UNC5A: variants seen among roughly 807,000 people sequenced by gnomAD.
UNC5A encodes netrin receptor UNC5A.
A neutral mutation model predicts 87.4 loss-of-function variants in UNC5A; 20 were observed. That is an observed-to-expected ratio of 0.23 (90% CI 0.16 to 0.33). UNC5A has a LOEUF of 0.33. Ranked by LOEUF, UNC5A falls within the 10% of genes least tolerant of loss-of-function variation. The probability of loss-of-function intolerance (pLI) is 1.00; values close to 1 mark genes in which losing one functional copy is unlikely to be tolerated. For synonymous variants in UNC5A, 438 were observed against 482.3 expected (o/e 0.91, Z 1.20); for missense variants, 844 against 1,133.4 (o/e 0.74, Z 3.67).
chr5:176,837,452 C>T (rs1182198494), intron 1 of UNC5A, among the ~76,000 whole-genome samples: 1 of 152,178 alleles, frequency 6.6e-6, no homozygotes, highest in Non-Finnish European at 1.5e-5. Flanking sequence ...CAGAGGCCGG[C>T]TGAATAGGAG....
In UNC5A at chr5:176,875,846, A is replaced by G. The variant is rs961793011; in HGVS notation, c.1378+1280A>G. Among the ~76,000 whole-genome samples, 1 of 152,110 alleles carries G rather than the reference A, an allele frequency of 6.6e-6. No individual in the cohort carries two copies. The highest frequency in any genetic ancestry group is 1.5e-5 in the Non-Finnish European group (1 of 68,012). ...TGCCCCTCCCACCAGCTCAGCTGGG[A>G]CTTCTCTTTTGGGTCCCCGCCTGAC... is the stretch of plus-strand genomic sequence containing the variant. On this transcript the variant is annotated intron_variant, in intron 8 of 14. Transcript: ENST00000329542. This position sits in a 1 kb window ranked among gnomAD's most constrained non-coding sequence, Gnocchi z 5.2.
rs1281099098 is a variant in UNC5A, at chr5:176,866,499, T to C, written c.293-1631T>C. On this transcript the variant is annotated intron_variant, in intron 2 of 14. Coordinates refer to ENST00000329542, the MANE Select transcript of UNC5A (RefSeq NM_133369.3). This position sits in a 1 kb window ranked among gnomAD's most constrained non-coding sequence, Gnocchi z 5.0. The stretch of plus-strand genomic sequence containing the variant: ...CTCCCAAGCTGAGCCGCCTGGGCCA[T>C]GGGTGAGGCTCCTGAAGGAGGGCCG... Among the ~76,000 whole-genome samples, 1 of 152,104 alleles carries C rather than the reference T, an allele frequency of 6.6e-6. No individual in the cohort carries two copies. The highest frequency in any genetic ancestry group is 1.5e-5 in the Non-Finnish European group (1 of 67,998).
In UNC5A at chr5:176,824,102, T is replaced by C. The variant is rs1756793973; in HGVS notation, c.70+13282T>C. Among the ~76,000 whole-genome samples the C allele has an allele frequency of 6.6e-6, 1 of 152,232 alleles. No individual in the cohort carries two copies. Among genetic ancestry groups the C allele is most frequent in the Non-Finnish European group, 1.5e-5 (1 of 68,022 alleles). On this transcript the variant is annotated intron_variant, in intron 1 of 14. Coordinates refer to ENST00000329542, the MANE Select transcript of UNC5A (RefSeq NM_133369.3). The surrounding 1 kb of genome is among the most constrained non-coding windows in gnomAD (Gnocchi z 4.2). ...ATGGCCTGGGTTGAGCCAGTCAGGA[T>C]CCTTGCCAGGGCTTCTCCCGCCTGG...
chr5:176,852,690 G>T (rs1160455834), intron 1 of UNC5A, among the ~76,000 whole-genome samples: 1 of 152,220 alleles, frequency 6.6e-6, no homozygotes, highest in Admixed American at 6.5e-5. Flanking sequence ...GGGGCCATAG[G>T]AGCCCGTCCC....
At chr5:176,830,439 ATG>A (rs5873556) in intron 1 of UNC5A, among the ~76,000 whole-genome samples, 111,806 of 139,244 alleles carry the variant, frequency 0.8, 48,113 homozygotes, top group Non-Finnish European at 0.94. Context: ...GTGTGCTGGC[ATG>A]TGTGTGTGTG....
intron 1 of UNC5A, among the ~76,000 whole-genome samples, chr5:176,845,474 G>A (rs551617297): frequency 9.2e-5 from 14 of 152,360 alleles, no homozygotes; most frequent in Non-Finnish European, 1.9e-4. Flanking sequence ...CCTGAGGCAG[G>A]GCGTTATGCA....
chr5:176,872,214 A>C (rs1406422595), intron 6 of UNC5A, among the ~76,000 whole-genome samples: 3 of 25,804 alleles, frequency 1.2e-4, no homozygotes, highest in Non-Finnish European at 2.3e-4. Flanking sequence ...CACACTCACC[A>C]ACACCACAGC....
chr5:176,824,156 G>T lies in UNC5A; in HGVS notation c.70+13336G>T, dbSNP rs906497981. On this transcript the variant is annotated intron_variant, in intron 1 of 14. Coordinates refer to ENST00000329542, the MANE Select transcript of UNC5A (RefSeq NM_133369.3). The surrounding 1 kb of genome is among the most constrained non-coding windows in gnomAD (Gnocchi z 4.2). ...CGGAGGTGCGGCCCCGATGCCTCCCGGGTTGGAGGCAGCAATGATGCAGGT... is the reference window on the plus strand; with the variant it reads ...CGGAGGTGCGGCCCCGATGCCTCCCTGGTTGGAGGCAGCAATGATGCAGGT... Among the ~76,000 whole-genome samples, 5 of 152,240 alleles carry T rather than the reference G, an allele frequency of 3.3e-5. No individual in the cohort carries two copies. The highest frequency in any genetic ancestry group is 1.3e-4 in the Admixed American group (2 of 15,288).
chr5:176,829,273 A>C (rs1214237469), intron 1 of UNC5A, among the ~76,000 whole-genome samples: 14 of 123,828 alleles, frequency 1.1e-4, no homozygotes, highest in African/African-American at 4.1e-4. Context: ...GGGTGGCTGG[A>C]TGGATGGATG....
chr5:176,879,545 G>C, intron 14 of UNC5A, 57 bp downstream of exon 14: 1 of 1,553,906 alleles, frequency 6.4e-7, no homozygotes, highest in Middle Eastern at 1.8e-4. Context: ...CCTGCCCGGC[G>C]GCGGGGTGGG....
intron 1 of UNC5A, among the ~76,000 whole-genome samples, chr5:176,842,945 T>G (rs1757311905): frequency 6.6e-6 from 1 of 151,980 alleles, no homozygotes; most frequent in East Asian, 1.9e-4. Flanking sequence ...GTGGATCACC[T>G]GGGGTCAGGA....
At chr5:176,829,726 G>A (rs1398139572) in intron 1 of UNC5A, among the ~76,000 whole-genome samples, 3 of 151,980 alleles carry the variant, frequency 2.0e-5, no homozygotes, top group East Asian at 1.9e-4. Flanking sequence ...TTGCCATATT[G>A]GGCATCCTAT....
At chr5:176,842,385 T>C (rs550404252) in intron 1 of UNC5A, among the ~76,000 whole-genome samples, 3 of 152,234 alleles carry the variant, frequency 2.0e-5, no homozygotes, top group South Asian at 4.2e-4. Flanking sequence ...AAGAAGTTAT[T>C]ATACAGAAAA....
At chr5:176,835,729 A>ATGTGTGTGTGTGTGTG (rs55990257) in intron 1 of UNC5A, among the ~76,000 whole-genome samples, 14 of 145,298 alleles carry the variant, frequency 9.6e-5, no homozygotes, top group African/African-American at 3.1e-4. Context: ...TTGATAAAGG[A>ATGTGTGTGTGTGTGTG]TGTGTGTGTG....
chr5:176,830,604 G>GCA (rs1756980486), intron 1 of UNC5A, among the ~76,000 whole-genome samples: 1 of 146,710 alleles, frequency 6.8e-6, no homozygotes, highest in Admixed American at 6.8e-5. Context: ...GTGCATGCTG[G>GCA]TGTGTGTGTG....
chr5:176,830,516 ATG>A (rs568529183), intron 1 of UNC5A, among the ~76,000 whole-genome samples: 3 of 117,122 alleles, frequency 2.6e-5, no homozygotes, highest in African/African-American at 3.6e-5. Context: ...GTGTGCTGGC[ATG>A]TGTGTGTGTG....
Position 176,870,423 on chromosome 5 carries a change from A to C in UNC5A, c.775A>C (p.Thr259Pro). 1 of 1,612,152 alleles carries C rather than the reference A, an allele frequency of 6.2e-7. No individual in the cohort carries two copies. Among genetic ancestry groups the C allele is most frequent in the Non-Finnish European group, 8.5e-7 (1 of 1,179,546 alleles). ...GTGGTCGGCCTGTGGGCTGGACTGCACCCACTGGCGGAGCCGTGAGTGCTC... is the reference window on the plus strand; with the variant it reads ...GTGGTCGGCCTGTGGGCTGGACTGCCCCCACTGGCGGAGCCGTGAGTGCTC... ...SKWSACGLDC[T>P]HWRSRECSDP... The change falls in exon 6 of 15, where the codon ACC (threonine) becomes CCC (proline). Residue 259 changes from threonine (T) to proline (P), a missense_variant. This residue lies in a region of UNC5A where 314 missense variants were observed against 466.5 expected (regional missense o/e 0.67). Coordinates refer to ENST00000329542, the MANE Select transcript of UNC5A (RefSeq NM_133369.3).
At chr5:176,833,858 A>C (rs2962833) in intron 1 of UNC5A, among the ~76,000 whole-genome samples, 14 of 151,992 alleles carry the variant, frequency 9.2e-5, no homozygotes, top group Admixed American at 8.5e-4. Flanking sequence ...ACAGGCGCCC[A>C]CCACTACGCC....
intron 1 of UNC5A, among the ~76,000 whole-genome samples, chr5:176,826,087 G>C (rs115181550): frequency 6.6e-6 from 1 of 152,172 alleles, no homozygotes; most frequent in Non-Finnish European, 1.5e-5. Flanking sequence ...GGTGAGGAGA[G>C]GTGTGATGAC....
Sources: gnomAD v4.1 joint callset for allele counts (sites outside exome capture counted in the v4.1 genomes callset) on GRCh38, gnomAD v4.1.1 for gene constraint, gnomAD v4.1.1 regional missense constraint, Gnocchi (gnomAD v3.1) non-coding constraint, MANE v1.5 for transcripts, NCBI Gene and HGNC (gene_info 2026-07-23, HGNC 2026-07-21) for gene names.